Variants in PADI1 observed in about 807,000 individuals in gnomAD.
The protein encoded by PADI1 is protein-arginine deiminase type-1.
PADI1 carries 65 observed loss-of-function variants against 74.8 expected under a neutral mutation model. The observed-to-expected ratio is 0.87, with a 90% confidence interval of 0.71 to 1.07. The LOEUF (loss-of-function observed/expected upper bound fraction) is 1.07, where lower values mean the gene tolerates loss of function less well. Ranked by LOEUF, PADI1 falls within the 50% of genes least tolerant of loss-of-function variation. The pLI is 0.00. For missense variants in PADI1, 943 were observed against 854.0 expected (o/e 1.10, Z -1.30); for synonymous variants, 371 against 336.2 (o/e 1.10, Z -1.13).
At chr1:17,227,448 T>C (rs993479382) in intron 6 of PADI1, among the ~76,000 whole-genome samples, 20 of 150,592 alleles carry the variant, frequency 1.3e-4, no homozygotes, top group African/African-American at 4.7e-4. Flanking sequence ...GGAGGATCAC[T>C]TGAGCCCAGG....
rs539530137 is a variant in PADI1, at chr1:17,240,652, C to G, written c.1650C>G (p.Asn550Lys). The G allele has an allele frequency of 1.9e-6, 3 of 1,613,958 alleles. No homozygotes were observed. Among genetic ancestry groups the G allele is most frequent in the African/African-American group, 1.3e-5 (1 of 74,932 alleles). Residue 550 changes from asparagine to lysine, a missense_variant, in exon 15 of 16, where the codon AAC becomes AAG. Coordinates refer to ENST00000375471, the MANE Select transcript of PADI1 (RefSeq NM_013358.3). Reference protein sequence around the residue: ...NLHAQKCIDWNRNVLKRELGL... With the variant: ...NLHAQKCIDWKRNVLKRELGL... ...TTCCCCAGAAATGCATTGACTGGAA[C>G]CGTAATGTGCTGAAGCGGGAGCTGG...
chr1:17,217,409 G>GT (rs1462584729), intron 1 of PADI1, among the ~76,000 whole-genome samples: 1 of 152,114 alleles, frequency 6.6e-6, no homozygotes, highest in Non-Finnish European at 1.5e-5. Flanking sequence ...AGTCACCCTG[G>GT]TAAAAAGTTG....
chr1:17,243,969 T>A, intron 15 of PADI1, 41 bp from the exon 16 acceptor site: 1 of 1,435,678 alleles, frequency 7.0e-7, no homozygotes, highest in Non-Finnish European at 9.7e-7. Context: ...GCACAGCACT[T>A]ATAGCCAGAC....
chr1:17,217,431 G>C (rs1463549402), intron 1 of PADI1, among the ~76,000 whole-genome samples: 1 of 152,144 alleles, frequency 6.6e-6, no homozygotes, highest in East Asian at 1.9e-4. Context: ...GTGTCCTCTC[G>C]GGGAAGGCTG....
chr1:17,217,725 T>C (rs1039841559), intron 1 of PADI1, among the ~76,000 whole-genome samples: 3 of 152,210 alleles, frequency 2.0e-5, no homozygotes, highest in African/African-American at 7.2e-5. Context: ...CTGAGTCCAA[T>C]GATGTTGGGC....
intron 2 of PADI1, 152 bp from the exon 3 acceptor site, chr1:17,223,469 G>A (rs1341262022): frequency 2.7e-5 from 17 of 629,312 alleles, no homozygotes; most frequent in South Asian, 7.6e-5. Flanking sequence ...AATCCCAGCC[G>A]GGAGCCCTTG....
chr1:17,243,942 A>C, intron 15 of PADI1, 68 bp from the exon 16 acceptor site: 1 of 1,113,042 alleles, frequency 9.0e-7, no homozygotes, highest in Non-Finnish European at 1.3e-6. Context: ...CATTCTGGCA[A>C]GGAAGGGGTG....
At chr1:17,229,946 C>T (rs1472324067) in intron 8 of PADI1, 139 bp from the exon 9 acceptor site, 11 of 735,270 alleles carry the variant, frequency 1.5e-5, no homozygotes, top group Non-Finnish European at 2.0e-5. Context: ...TCCCCATGCG[C>T]CTATGAGCCT....
At chr1:17,212,108 C>T (rs1022172040) in intron 1 of PADI1, among the ~76,000 whole-genome samples, 1 of 152,204 alleles carries the variant, frequency 6.6e-6, no homozygotes, top group Admixed American at 6.5e-5. Context: ...GGGTGGCGGC[C>T]AGTACCCCGG....
chr1:17,219,747 A>G (rs2072083972), intron 1 of PADI1, among the ~76,000 whole-genome samples: 1 of 152,080 alleles, frequency 6.6e-6, no homozygotes, highest in African/African-American at 2.4e-5. Context: ...GAGTGAAGAA[A>G]GATGATGATC....
At chr1:17,242,084 C>G (rs1031415944) in intron 15 of PADI1, among the ~76,000 whole-genome samples, 1 of 152,246 alleles carries the variant, frequency 6.6e-6, no homozygotes. Context: ...AGCAGGATTT[C>G]TCGACTCTGT....
rs1569800816 is a variant in PADI1, at chr1:17,225,703, A to G, written c.409-108A>G. 5.2e-6 allele frequency: 4 copies of G among 767,338 alleles called. No homozygotes were observed. In the East Asian group the frequency reaches 9.9e-5, roughly 19 times the overall value. 47.5% of individuals were successfully genotyped at this position (767,338 alleles called of 1,614,324 possible). A position where few individuals can be genotyped will look rare whatever the true frequency, so the allele number is the denominator to read the frequency against. ...TTTAAAATCTTTAAGCAAACTAAAAATATGAAAATCTATAATCTAATAAAG... is the reference window on the plus strand; with the variant it reads ...TTTAAAATCTTTAAGCAAACTAAAAGTATGAAAATCTATAATCTAATAAAG... On this transcript the variant is annotated intron_variant, in intron 4 of 15. Transcript: ENST00000375471.
intron 1 of PADI1, among the ~76,000 whole-genome samples, chr1:17,209,828 C>T (rs1040487525): frequency 3.3e-5 from 5 of 152,090 alleles, no homozygotes; most frequent in African/African-American, 1.2e-4. Flanking sequence ...AAGCTGGCAC[C>T]TTTATTTTTT....
chr1:17,223,665 C>A lies in PADI1; in HGVS notation c.318C>A (p.Gly106=), dbSNP rs777876935. ...GGGAGCAGGAAGACCAAGCTCTGGG[C>A]CGCAGCGTGCTTTACCTCACTGGCG... ...YFGEQEDQAL[G]RSVLYLTGVD... Residue 106 remains glycine, a synonymous_variant, in exon 3 of 16, where the codon GGC becomes GGA. Transcript: ENST00000375471. 16 of 1,613,982 alleles carry A rather than the reference C, an allele frequency of 9.9e-6. No individual in the cohort carries two copies. In the African/African-American group the frequency reaches 2.0e-4, roughly 20 times the overall value.
rs2072532611 is a variant in PADI1, at chr1:17,232,850, T to C, written c.1193T>C (p.Ile398Thr). ...GACTTTGGATATGTTACCCGGGAGA[T>C]CCCGCTCCCTGGTCCCTCCAGCCTT... Reference protein sequence around the residue: ...GPDFGYVTREIPLPGPSSLDS... With the variant: ...GPDFGYVTRETPLPGPSSLDS... Residue 398 changes from isoleucine (I) to threonine (T), a missense_variant, in exon 11 of 16, where the codon ATC becomes ACC. Ile to Thr is a moderately conservative substitution (Grantham distance 89). Transcript: ENST00000375471. 3 of 1,613,300 alleles carry C rather than the reference T, an allele frequency of 1.9e-6. No homozygotes were observed. The South Asian group carries it at 3.3e-5, about 18-fold the overall frequency.
At position 17,210,436 on chromosome 1, in the gene PADI1, G is replaced by A. The variant is rs147255050; in HGVS notation, c.92+5127G>A. ...TCTAAATTCAGGGCCCTATCTCTCA[G>A]GGACATTCTGGTCCCCAGCCCCTGT... On this transcript the variant is annotated intron_variant, in intron 1 of 15. Transcript: ENST00000375471. 7.8e-4 allele frequency among the ~76,000 whole-genome samples: 119 copies of A among 152,184 alleles called. 1 individual carries two copies. Among genetic ancestry groups the A allele is most frequent in the African/African-American group, 2.7e-3 (112 of 41,532 alleles).
Position 17,240,618 on chromosome 1 carries a change from G to T in PADI1, c.1633-17G>T. On this transcript the variant is annotated splice_polypyrimidine_tract_variant and intron_variant, in intron 14 of 15. Transcript: ENST00000375471. ...GCTCTTCCTAGTCCTGGGCTGCCCAGCTGCCTCCTTCCCCAGAAATGCATT... is the reference window on the plus strand; with the variant it reads ...GCTCTTCCTAGTCCTGGGCTGCCCATCTGCCTCCTTCCCCAGAAATGCATT... 6.2e-7 allele frequency: 1 copy of T among 1,613,006 alleles called. No individual in the cohort carries two copies. Among genetic ancestry groups the T allele is most frequent in the Admixed American group, 1.7e-5 (1 of 59,988 alleles).
At chr1:17,224,274 TG>T in intron 3 of PADI1, 92 bp from the exon 4 acceptor site, 1 of 1,030,588 alleles carries the variant, frequency 9.7e-7, no homozygotes, top group Non-Finnish European at 1.5e-6. Flanking sequence ...CTCACGGGCT[TG>T]GGGAGGGGTC....
chr1:17,239,914 G>T lies in PADI1; in HGVS notation c.1632+131G>T, dbSNP rs556816673. 50 of 714,232 alleles carry T rather than the reference G, an allele frequency of 7.0e-5. No individual in the cohort carries two copies. The Admixed American group carries it at 1.0e-3, about 15-fold the overall frequency. The allele number at this position is 714,232 out of a possible 1,614,324, so 44.2% of individuals were successfully genotyped here. A position where few individuals can be genotyped will look rare whatever the true frequency, so the allele number is the denominator to read the frequency against. ...GTCCTGGGGGCTGCTGGGGCCTGCA[G>T]GTGGGATAGAGCCTCTGCCTTCAGG... On this transcript the variant is annotated intron_variant, in intron 14 of 15. Coordinates refer to ENST00000375471, the MANE Select transcript of PADI1 (RefSeq NM_013358.3).
Sources: allele counts gnomAD v4.1 joint callset (sites outside exome capture counted in the v4.1 genomes callset), GRCh38; gene constraint gnomAD v4.1.1; transcripts MANE v1.5; gene names NCBI Gene and HGNC (gene_info 2026-07-23, HGNC 2026-07-21).